ALS2: variants seen among roughly 807,000 people sequenced by gnomAD.
ALS2 encodes the protein alsin.
In ALS2, 117 loss-of-function variants were observed where a neutral mutation model predicts 203.4. The observed-to-expected ratio is 0.58, with a 90% CI of 0.50 to 0.67. ALS2 has a LOEUF of 0.67. Among genes scored for constraint, ALS2 ranks in the 30% least tolerant of loss-of-function variants. The probability of loss-of-function intolerance (pLI) is 0.00; values close to 1 mark genes in which losing one functional copy is unlikely to be tolerated. For missense variants in ALS2, 1,715 were observed against 1,989.4 expected (o/e 0.86, Z 2.62); for synonymous variants, 718 against 725.9 (o/e 0.99, Z 0.17).
intron 25 of ALS2, among the ~76,000 whole-genome samples, chr2:201,713,128 C>CTTTTTT (rs1355100788): frequency 1.2e-5 from 1 of 81,110 alleles, no homozygotes; most frequent in African/African-American, 3.9e-5. Context: ...TTCTCCTTTT[C>CTTTTTT]TTTTCTTTTT....
chr2:201,702,025 C>T, intron 33 of ALS2, 136 bp from the exon 34 acceptor site: 1 of 784,428 alleles, frequency 1.3e-6, no homozygotes, highest in African/African-American at 1.7e-5. Context: ...TAATTGATTT[C>T]ACTTTTCCCT....
At chr2:201,756,255 C>T (rs1693376423) in intron 5 of ALS2, among the ~76,000 whole-genome samples, 1 of 151,558 alleles carries the variant, frequency 6.6e-6, no homozygotes, top group Non-Finnish European at 1.5e-5. Context: ...GTGCAAGATT[C>T]TCCTTCAGAT....
Position 201,747,253 on chromosome 2 carries a change from C to T in ALS2, c.1816-505G>A, listed in dbSNP as rs142343699. Among the ~76,000 whole-genome samples, 75 of 152,232 alleles carry T rather than the reference C, an allele frequency of 4.9e-4. No homozygotes were observed. In the East Asian group the frequency reaches 0.011, roughly 22 times the overall value. ...CCCACTTGGAACTCTACCAGTCCTA[C>T]GTGACTTTACTGTGCCTACTCCCAG... On this transcript the variant is annotated intron_variant, in intron 8 of 33. Transcript: ENST00000264276.
intron 27 of ALS2, among the ~76,000 whole-genome samples, chr2:201,708,624 T>C (rs901141417): frequency 1.1e-4 from 16 of 152,174 alleles, no homozygotes; most frequent in African/African-American, 3.1e-4. Flanking sequence ...TAAAAATGTG[T>C]TTTTAAAACT....
In ALS2 at chr2:201,724,656, G is replaced by GT. The variant is rs1691035695; in HGVS notation, c.3348-198dup. ...TAAAAAGTTAAAGACACCATGTGTGGTATTTTGCATTAACATGAAAAACAA... is the reference window on the plus strand; with the variant it reads ...TAAAAAGTTAAAGACACCATGTGTGGTTATTTTGCATTAACATGAAAAACAA... On this transcript the variant is annotated intron_variant, in intron 20 of 33. Transcript: ENST00000264276. Among the ~76,000 whole-genome samples, 6 of 152,156 alleles carry GT rather than the reference G, an allele frequency of 3.9e-5. No homozygotes were observed. In the South Asian group the frequency reaches 1.2e-3, roughly 32 times the overall value.
chr2:201,769,308 C>A (rs1009426464), intron 1 of ALS2, among the ~76,000 whole-genome samples: 1 of 152,126 alleles, frequency 6.6e-6, no homozygotes, highest in African/African-American at 2.4e-5. Flanking sequence ...ACTTTTTAAA[C>A]GCTCTGTCTG....
chr2:201,722,911 T>G (rs1334836671), intron 23 of ALS2, 132 bp downstream of exon 23: 10 of 715,192 alleles, frequency 1.4e-5, no homozygotes, highest in Non-Finnish European at 2.1e-5. Flanking sequence ...ACAGCCATGT[T>G]GACCAAAAAT....
intron 11 of ALS2, 187 bp downstream of exon 11, chr2:201,741,487 T>G: frequency 1.6e-6 from 1 of 610,000 alleles, no homozygotes; most frequent in Non-Finnish European, 2.9e-6. Flanking sequence ...TTTAAATTTT[T>G]TTTCATTTAG....
At chr2:201,706,815 A>AT (rs1324735869) in intron 29 of ALS2, 31 bp downstream of exon 29, 1 of 1,613,180 alleles carries the variant, frequency 6.2e-7, no homozygotes, top group Admixed American at 1.7e-5. Flanking sequence ...AATTAAAACC[A>AT]TTTGGTTGCG....
intron 1 of ALS2, among the ~76,000 whole-genome samples, chr2:201,775,200 G>A (rs756967287): frequency 4.6e-5 from 7 of 152,166 alleles, no homozygotes; most frequent in Non-Finnish European, 7.4e-5. Flanking sequence ...TAGACATTGA[G>A]TGACTTGGAT....
chr2:201,716,671 C>T (rs2192765), intron 24 of ALS2: 4,248 of 147,120 alleles, frequency 0.029, 78 homozygotes, highest in Non-Finnish European at 0.045. Context: ...GCTGAGATCA[C>T]GCCACTGCAG....
chr2:201,724,094 C>CA (rs1437143707), intron 21 of ALS2, among the ~76,000 whole-genome samples: 1 of 152,080 alleles, frequency 6.6e-6, no homozygotes, highest in East Asian at 1.9e-4. Flanking sequence ...GCCTGGGTGA[C>CA]AGAGTGAAAC....
chr2:201,772,586 A>G (rs997707253), intron 1 of ALS2, among the ~76,000 whole-genome samples: 2 of 152,202 alleles, frequency 1.3e-5, no homozygotes, highest in African/African-American at 4.8e-5. Flanking sequence ...GAAGTGTTAT[A>G]TAATATATAG....
intron 10 of ALS2, among the ~76,000 whole-genome samples, chr2:201,743,052 C>T (rs1314522294): frequency 1.5e-5 from 2 of 133,678 alleles, no homozygotes; most frequent in Non-Finnish European, 1.6e-5. Context: ...GCCTGGGTGA[C>T]AGAGCAAGAC....
At chr2:201,710,134 T>C in intron 26 of ALS2, 96 bp from the exon 27 acceptor site, 2 of 1,443,346 alleles carry the variant, frequency 1.4e-6, no homozygotes. Context: ...CACACAATTG[T>C]CAAAATGTCA....
chr2:201,717,379 T>G (rs528654967), intron 24 of ALS2, among the ~76,000 whole-genome samples: 18 of 151,140 alleles, frequency 1.2e-4, no homozygotes, highest in Non-Finnish European at 2.4e-4. Context: ...GGCAGGAGAA[T>G]CGCTTGAACC....
intron 4 of ALS2, chr2:201,759,762 A>C (rs1693644769): frequency 1.0e-6 from 1 of 985,258 alleles, no homozygotes; most frequent in Non-Finnish European, 1.2e-6. Context: ...AGTAAACAAT[A>C]AGAATTGAGA....
At chr2:201,739,084 GA>G (rs1476096382) in intron 11 of ALS2, among the ~76,000 whole-genome samples, 1 of 151,468 alleles carries the variant, frequency 6.6e-6, no homozygotes, top group Non-Finnish European at 1.5e-5. Context: ...CAAAAAAATA[GA>G]AAAATTAGTC....
intron 14 of ALS2, among the ~76,000 whole-genome samples, 170 bp from the exon 15 acceptor site, chr2:201,728,810 T>C (rs1475942023): frequency 6.6e-6 from 1 of 151,782 alleles, no homozygotes; most frequent in Non-Finnish European, 1.5e-5. Flanking sequence ...AAATTAGAGC[T>C]CAAAGGAGAT....
Sources: gnomAD v4.1 joint callset for allele counts (sites outside exome capture counted in the v4.1 genomes callset) on GRCh38, gnomAD v4.1.1 for gene constraint, MANE v1.5 for transcripts, NCBI Gene and HGNC (gene_info 2026-07-23, HGNC 2026-07-21) for gene names.